The following APC variants were observed in gnomAD, a reference collection of about 807,000 sequenced individuals.
APC encodes the protein adenomatous polyposis coli protein.
In APC, 72 loss-of-function variants were observed where a neutral mutation model predicts 247.0. The ratio of observed to expected loss-of-function variants is 0.29; its 90% CI spans 0.24 to 0.35. The LOEUF is 0.35. APC is among the 10% of genes least tolerant of loss of function. APC has a pLI of 1.00. For missense variants in APC, 3,400 were observed against 3,360.7 expected, an observed-to-expected ratio of 1.01 and a Z score of -0.29; for synonymous variants, 1,254 against 1,162.5, an observed-to-expected ratio of 1.08 and a Z score of -1.60.
rs730881246 is a variant in APC at position 112,839,154 on chromosome 5, T to C, written c.3560T>C (p.Ile1187Thr). Reference sequence around the variant, plus strand: ...TATAGTTTAAAATATGCCACAGATATTCCTTCATCACAGAAACAGTCATTT... The same window carrying C: ...TATAGTTTAAAATATGCCACAGATACTCCTTCATCACAGAAACAGTCATTT... Reference protein sequence around the residue: ...IDYSLKYATDIPSSQKQSFSF... With the variant: ...IDYSLKYATDTPSSQKQSFSF... The change falls in exon 16 of 16, where the codon ATT (isoleucine) becomes ACT (threonine). Residue 1187 changes from isoleucine to threonine, a missense_variant. Physicochemically the swap from Ile to Thr is moderately conservative, Grantham distance 89. Transcript: ENST00000257430. The surrounding 1 kb of genome is among the most constrained non-coding windows in gnomAD (Gnocchi z 5.0). 9 of 1,614,140 alleles carry C rather than the reference T, an allele frequency of 5.6e-6. No individual in the cohort carries two copies. Among genetic ancestry groups the C allele is most frequent in the Middle Eastern group, 1.6e-4 (1 of 6,062 alleles).
Position 112,840,854 on chromosome 5 carries a change from T to C in APC, c.5260T>C (p.Ser1754Pro). The change falls in exon 16 of 16, where the codon TCT becomes CCT. Residue 1754 changes from serine (S) to proline (P), a missense_variant. This residue lies in a region of APC where 1,788 missense variants were observed against 1,649.5 expected (regional missense o/e 1.08). Coordinates refer to ENST00000257430, the MANE Select transcript of APC (RefSeq NM_000038.6). This position sits in a 1 kb window ranked among gnomAD's most constrained non-coding sequence, Gnocchi z 4.1. ...KKIMDQVQQASASSSAPNKNQ... is the reference protein window; with the variant it reads ...KKIMDQVQQAPASSSAPNKNQ... ...GATAATGGACCAGGTCCAGCAAGCA[T>C]CTGCGTCTTCTTCTGCACCCAACAA... 6.2e-7 allele frequency: 1 copy of C among 1,614,118 alleles called. No homozygotes were observed. The highest frequency in any genetic ancestry group is 1.1e-5 in the South Asian group (1 of 91,080).
intron 7 of APC, among the ~76,000 whole-genome samples, chr5:112,797,240 TAAGA>T (rs992850408): frequency 6.6e-6 from 1 of 152,092 alleles, no homozygotes; most frequent in African/African-American, 2.4e-5. Flanking sequence ...ATTTCACATT[TAAGA>T]AAGAACAAAA....
At chr5:112,832,638 A>C (rs1334674072) in intron 14 of APC, among the ~76,000 whole-genome samples, 2 of 151,908 alleles carry the variant, frequency 1.3e-5, no homozygotes, top group Non-Finnish European at 2.9e-5. Context: ...GGTCATCAGT[A>C]CTCCCGCGCT....
At chr5:112,836,005 CTGTCTT>C in intron 15 of APC, among the ~76,000 whole-genome samples, 1 of 131,570 alleles carries the variant, frequency 7.6e-6, no homozygotes, top group African/African-American at 2.8e-5. Context: ...AAAAATACAA[CTGTCTT>C]TTTTTTTTTT....
intron 4 of APC, among the ~76,000 whole-genome samples, chr5:112,773,871 A>T (rs1272196829): frequency 6.6e-6 from 1 of 152,188 alleles, no homozygotes; most frequent in Non-Finnish European, 1.5e-5. Flanking sequence ...GTTTAATCTC[A>T]CTCATAGTAA....
intron 7 of APC, among the ~76,000 whole-genome samples, chr5:112,795,485 G>C (rs112669102): frequency 2.0e-5 from 3 of 152,138 alleles, no homozygotes; most frequent in Admixed American, 6.5e-5. Context: ...CTGGAGGTCC[G>C]TCTGGCCCAA....
At chr5:112,764,245 CAAA>C (rs71683434) in intron 2 of APC, among the ~76,000 whole-genome samples, 45 of 105,200 alleles carry the variant, frequency 4.3e-4, no homozygotes, top group African/African-American at 1.2e-3. Flanking sequence ...GACTCCGTCT[CAAA>C]AAAAAAAAAA....
intron 2 of APC, among the ~76,000 whole-genome samples, chr5:112,764,033 C>T (rs139800508): frequency 1.3e-5 from 2 of 150,070 alleles, no homozygotes; most frequent in African/African-American, 4.9e-5. Context: ...GTCAGGAGAT[C>T]GAGACCATCC....
At chr5:112,782,182 T>C (rs1194784372) in intron 6 of APC, among the ~76,000 whole-genome samples, 1 of 152,142 alleles carries the variant, frequency 6.6e-6, no homozygotes, top group Non-Finnish European at 1.5e-5. Flanking sequence ...CTTACATGGG[T>C]GGCAGCAGGC....
intron 8 of APC, among the ~76,000 whole-genome samples, chr5:112,802,038 T>A (rs1184225240): frequency 6.6e-6 from 1 of 152,088 alleles, no homozygotes; most frequent in East Asian, 1.9e-4. Flanking sequence ...TTCTTTAGGG[T>A]GTTCTGTATT....
intron 7 of APC, among the ~76,000 whole-genome samples, chr5:112,793,891 C>A (rs1759918850): frequency 6.6e-6 from 1 of 152,102 alleles, no homozygotes; most frequent in Admixed American, 6.6e-5. Flanking sequence ...TTCTAACAAC[C>A]TTCTGGAGAA....
rs1554084883 is a variant in APC at position 112,838,856 on chromosome 5, A to C, written c.3262A>C (p.Lys1088Gln). The C allele has an allele frequency of 6.2e-7, 1 of 1,614,148 alleles. No individual in the cohort carries two copies. Among genetic ancestry groups the C allele is most frequent in the Non-Finnish European group, 8.5e-7 (1 of 1,180,008 alleles). The change falls in exon 16 of 16, where the codon AAG becomes CAG. Residue 1088 changes from lysine (K) to glutamine (Q), a missense_variant. Lys to Gln is a moderately conservative substitution (Grantham distance 53). This residue lies in a region of APC where 715 missense variants were observed against 656.6 expected (regional missense o/e 1.09). Transcript: ENST00000257430. ...TGAGAGCACTGATGATAAACACCTC[A>C]AGTTCCAACCACATTTTGGACAGCA... ...YTESTDDKHL[K>Q]FQPHFGQQEC...
chr5:112,773,814 A>C lies in APC; in HGVS notation c.423-1815A>C, dbSNP rs542784073. Among the ~76,000 whole-genome samples the C allele has an allele frequency of 1.4e-4, 21 of 152,310 alleles. No homozygotes were observed. The East Asian group carries it at 3.7e-3, about 27-fold the overall frequency. On this transcript the variant is annotated intron_variant, in intron 4 of 15. Transcript: ENST00000257430. ...ATAGAAAAGGTCCTACAAATAAGAA[A>C]AATCACAGAAAAGGAAATACAAATG... is the stretch of plus-strand genomic sequence containing the variant.
intron 1 of APC, chr5:112,738,257 G>C: frequency 5.1e-6 from 5 of 983,540 alleles, no homozygotes; most frequent in Non-Finnish European, 6.0e-6. Flanking sequence ...AGTATCTAAG[G>C]AAACGGGTAG....
In APC at chr5:112,780,753, C is replaced by A. The variant is rs375405036; in HGVS notation, c.532-37C>A. The A allele has an allele frequency of 2.6e-5, 37 of 1,438,998 alleles. No homozygotes were observed. In the South Asian group the frequency reaches 4.0e-4, roughly 16 times the overall value. 89.1% of individuals were successfully genotyped at this position (1,438,998 alleles called of 1,614,324 possible). ...TTGCTTTTACTGATTAACGTAAATA[C>A]AAGATATTGATACTTTTTTATTATT... On this transcript the variant is annotated intron_variant, in intron 5 of 15. Transcript: ENST00000257430.
rs187964332 is a variant in APC at position 112,749,564 on chromosome 5, A to G, written c.-18-5309A>G. 1.1e-4 allele frequency among the ~76,000 whole-genome samples: 16 copies of G among 140,868 alleles called. No individual in the cohort carries two copies. In the East Asian group the frequency reaches 3.5e-3, roughly 31 times the overall value. 92.4% of individuals were successfully genotyped at this position (140,868 alleles called of 152,430 possible). On this transcript the variant is annotated intron_variant, in intron 1 of 15. Transcript: ENST00000257430. ...CAGTGGCATGATCTTGGCTTACTGC[A>G]ACAACCTCCACCTCCCGTGTTCAAG...
At chr5:112,778,264 TA>T (rs541274564) in intron 5 of APC, 451 of 151,842 alleles carry the variant, frequency 3.0e-3, no homozygotes, top group Non-Finnish European at 5.4e-3. Context: ...CAGTGTTCTG[TA>T]AAAAAAAAAT....
At position 112,738,434 on chromosome 5, in the gene APC, G is replaced by A. The variant is rs745770540; in HGVS notation, c.-19+509G>A. The A allele has an allele frequency of 1.9e-4, 188 of 985,760 alleles. No individual in the cohort carries two copies. The highest frequency in any genetic ancestry group is 2.2e-4 in the Non-Finnish European group (184 of 830,154). The allele number at this position is 985,760 out of a possible 1,614,324, so 61.1% of individuals were successfully genotyped here. ...TGTGAATCTAGTGGAAAGAGCTACT[G>A]GGGATGAGAGAAAGAGGAGGAGGCA... On this transcript the variant is annotated intron_variant, in intron 1 of 15. Transcript: ENST00000257430.
At chr5:112,712,627 C>G (rs1180163430) in intron 1 of APC, among the ~76,000 whole-genome samples, 4 of 151,278 alleles carry the variant, frequency 2.6e-5, no homozygotes, top group Admixed American at 2.6e-4. Flanking sequence ...CTCCTGGGCT[C>G]AAGTGATCCA....
Sources: gnomAD v4.1 joint callset for allele counts (sites outside exome capture counted in the v4.1 genomes callset) on GRCh38, gnomAD v4.1.1 for gene constraint, gnomAD v4.1.1 regional missense constraint, Gnocchi (gnomAD v3.1) non-coding constraint, MANE v1.5 for transcripts, NCBI Gene and HGNC (gene_info 2026-07-23, HGNC 2026-07-21) for gene names.